CYP7B1: variants seen among roughly 807,000 people sequenced by gnomAD.
The protein encoded by CYP7B1 is cytochrome P450 7B1.
In CYP7B1, 29 loss-of-function variants were observed where a neutral mutation model predicts 42.7. The observed-to-expected ratio is 0.68, with a 90% CI of 0.51 to 0.93. CYP7B1 has a LOEUF of 0.93. Among genes scored for constraint, CYP7B1 ranks in the 40% least tolerant of loss-of-function variants. The probability of loss-of-function intolerance (pLI) is 0.00; values close to 1 mark genes in which losing one functional copy is unlikely to be tolerated. For missense variants in CYP7B1, 655 were observed against 600.5 expected, an observed-to-expected ratio of 1.09 and a Z score of -0.95; for synonymous variants, 235 against 218.2, an observed-to-expected ratio of 1.08 and a Z score of -0.68.
chr8:64,687,604 A>G (rs1806675899), intron 1 of CYP7B1, among the ~76,000 whole-genome samples: 1 of 152,250 alleles, frequency 6.6e-6, no homozygotes, highest in African/African-American at 2.4e-5. Flanking sequence ...CCCCAAACAA[A>G]GCAAAGCAAA....
chr8:64,788,999 C>A (rs1315771938), intron 1 of CYP7B1, among the ~76,000 whole-genome samples: 2 of 152,172 alleles, frequency 1.3e-5, no homozygotes, highest in East Asian at 1.9e-4. Context: ...CGGCTCACTG[C>A]AACCTCTGCC....
At chr8:64,786,017 C>T (rs930568716) in intron 1 of CYP7B1, among the ~76,000 whole-genome samples, 2 of 152,112 alleles carry the variant, frequency 1.3e-5, no homozygotes, top group African/African-American at 4.8e-5. Context: ...AACTCACACA[C>T]TATCATGAGA....
rs562809692 is a variant in CYP7B1, at chr8:64,779,915, A to T, written c.122+18551T>A. Among the ~76,000 whole-genome samples the T allele has an allele frequency of 2.0e-5, 3 of 152,280 alleles. No individual in the cohort carries two copies. The South Asian group carries it at 6.2e-4, about 32-fold the overall frequency. The stretch of plus-strand genomic sequence containing the variant: ...ATCTTAAGCACAGTTATACAAATCC[A>T]GTACCTAAACATGAAAGTCCAGTAC... On this transcript the variant is annotated intron_variant, in intron 1 of 5. Coordinates refer to ENST00000310193, the MANE Select transcript of CYP7B1 (RefSeq NM_004820.5).
At chr8:64,639,248 G>T (rs1254312385) in intron 1 of CYP7B1, among the ~76,000 whole-genome samples, 1 of 151,858 alleles carries the variant, frequency 6.6e-6, no homozygotes, top group East Asian at 1.9e-4. Context: ...AAATTATTCT[G>T]TTTCTTGTCC....
chr8:64,662,829 A>G (rs60471153), intron 1 of CYP7B1, among the ~76,000 whole-genome samples: 10,169 of 152,218 alleles, frequency 0.067, 406 homozygotes, highest in South Asian at 0.16. Context: ...AGTTATTATT[A>G]ATTGGCAGAA....
intron 1 of CYP7B1, among the ~76,000 whole-genome samples, chr8:64,767,379 C>T (rs1248837917): frequency 2.6e-5 from 4 of 152,128 alleles, no homozygotes; most frequent in East Asian, 3.9e-4. Flanking sequence ...CCAAAAGAGC[C>T]GCAAGGCGGG....
At chr8:64,624,606 T>G in intron 1 of CYP7B1, 67 bp from the exon 2 acceptor site, 1 of 1,578,020 alleles carries the variant, frequency 6.3e-7, no homozygotes, top group South Asian at 1.1e-5. Flanking sequence ...CGAATACAGG[T>G]GGTTTATTTA....
At chr8:64,614,974 G>T in intron 4 of CYP7B1, 52 bp downstream of exon 4, 2 of 1,585,942 alleles carry the variant, frequency 1.3e-6, no homozygotes, top group South Asian at 1.1e-5. Context: ...GTGATAAACC[G>T]AGTTTGCAGA....
chr8:64,606,236 T>C (rs1805277819), intron 4 of CYP7B1, among the ~76,000 whole-genome samples: 2 of 152,158 alleles, frequency 1.3e-5, no homozygotes. Context: ...AGAAAAGAAC[T>C]TTGGTTTTGG....
chr8:64,656,141 C>A (rs1025051520), intron 1 of CYP7B1, among the ~76,000 whole-genome samples: 4 of 152,016 alleles, frequency 2.6e-5, no homozygotes, highest in Non-Finnish European at 5.9e-5. Context: ...CAAACCTTCA[C>A]GTGTTTAGTT....
At chr8:64,788,003 C>A (rs1424126910) in intron 1 of CYP7B1, among the ~76,000 whole-genome samples, 2 of 152,106 alleles carry the variant, frequency 1.3e-5, no homozygotes, top group East Asian at 3.8e-4. Context: ...ATGAGGGAAA[C>A]CAGCCCCAAG....
intron 1 of CYP7B1, among the ~76,000 whole-genome samples, chr8:64,714,069 T>C (rs961397197): frequency 1.9e-4 from 29 of 152,188 alleles, no homozygotes; most frequent in African/African-American, 6.8e-4. Context: ...GTTGGCATGC[T>C]CAATGTCGCC....
At chr8:64,774,369 C>T (rs1040785496) in intron 1 of CYP7B1, among the ~76,000 whole-genome samples, 7 of 152,070 alleles carry the variant, frequency 4.6e-5, no homozygotes, top group African/African-American at 1.4e-4. Flanking sequence ...AAGGAAGACA[C>T]AAATGGAAAG....
chr8:64,610,307 C>A (rs915340769), intron 4 of CYP7B1, among the ~76,000 whole-genome samples: 4 of 152,114 alleles, frequency 2.6e-5, no homozygotes, highest in Admixed American at 6.6e-5. Flanking sequence ...TCACTATTTA[C>A]ATCCCTGAGT....
intron 3 of CYP7B1, 98 bp downstream of exon 3, chr8:64,615,593 G>A: frequency 8.9e-7 from 1 of 1,124,740 alleles, no homozygotes; most frequent in Admixed American, 1.8e-5. Context: ...ATTAGAAAGA[G>A]CATAAAAAAT....
At chr8:64,638,736 T>C (rs1805810788) in intron 1 of CYP7B1, among the ~76,000 whole-genome samples, 1 of 152,106 alleles carries the variant, frequency 6.6e-6, no homozygotes, top group Non-Finnish European at 1.5e-5. Flanking sequence ...AACACTCGCG[T>C]AAGTGATACT....
At position 64,705,155 on chromosome 8, in the gene CYP7B1, C is replaced by T. The variant is rs552686763; in HGVS notation, c.123-80616G>A. 2.0e-5 allele frequency among the ~76,000 whole-genome samples: 3 copies of T among 151,784 alleles called. No individual in the cohort carries two copies. The East Asian group carries it at 5.8e-4, about 29-fold the overall frequency. ...GCCAAGTGTATCAGGTGGGTTGTAT[C>T]TTATCACTCTGATATGTTAGGGCGG... is the stretch of plus-strand genomic sequence containing the variant. On this transcript the variant is annotated intron_variant, in intron 1 of 5. Transcript: ENST00000310193.
chr8:64,754,790 T>G (rs1014884111), intron 1 of CYP7B1, among the ~76,000 whole-genome samples: 1 of 151,998 alleles, frequency 6.6e-6, no homozygotes. Flanking sequence ...TGTTGAGAAT[T>G]AAGGAGGAGT....
chr8:64,766,659 T>C (rs1807977696), intron 1 of CYP7B1, among the ~76,000 whole-genome samples: 1 of 152,004 alleles, frequency 6.6e-6, no homozygotes, highest in South Asian at 2.1e-4. Context: ...TTAAAAAAGA[T>C]TGTCCGAATA....
Sources: allele counts gnomAD v4.1 joint callset (sites outside exome capture counted in the v4.1 genomes callset), GRCh38; gene constraint gnomAD v4.1.1; transcripts MANE v1.5; gene names NCBI Gene and HGNC (gene_info 2026-07-23, HGNC 2026-07-21).